USH2A: variants seen among roughly 807,000 people sequenced by gnomAD.
USH2A encodes the protein Usher syndrome 2A (autosomal recessive, mild).
USH2A carries 443 observed loss-of-function variants against 538.9 expected under a neutral mutation model. The ratio of observed to expected loss-of-function variants is 0.82; its 90% CI spans 0.76 to 0.89. USH2A has a LOEUF of 0.89. USH2A is among the 40% of genes least tolerant of loss of function. USH2A has a pLI of 0.00. For synonymous variants in USH2A, 2,413 were observed against 2,273.5 expected, an observed-to-expected ratio of 1.06 and a Z score of -1.75; for missense variants, 6,633 against 6,324.8, an observed-to-expected ratio of 1.05 and a Z score of -1.65.
At chr1:215,931,751 A>T (rs569732660) in intron 38 of USH2A, among the ~76,000 whole-genome samples, 4 of 152,168 alleles carry the variant, frequency 2.6e-5, no homozygotes, top group African/African-American at 9.6e-5. Flanking sequence ...GGTTTAGTCT[A>T]GGTGCTGAAG....
intron 21 of USH2A, among the ~76,000 whole-genome samples, chr1:216,111,599 G>A (rs979063714): frequency 1.3e-5 from 2 of 151,494 alleles, no homozygotes; most frequent in African/African-American, 4.9e-5. Flanking sequence ...TTTAAAAAAC[G>A]CTTTATTAAA....
At chr1:216,022,413 T>C (rs1007156334) in intron 32 of USH2A, among the ~76,000 whole-genome samples, 3 of 152,200 alleles carry the variant, frequency 2.0e-5, no homozygotes, top group East Asian at 1.9e-4. Flanking sequence ...CGAAAGCCCA[T>C]GCACTGGAAA....
chr1:215,905,387 A>AG (rs1305181495), intron 38 of USH2A, among the ~76,000 whole-genome samples: 1 of 152,112 alleles, frequency 6.6e-6, no homozygotes, highest in Non-Finnish European at 1.5e-5. Context: ...AATATTTTGT[A>AG]TCAAATTCAA....
At chr1:215,820,426 G>A (rs779859935) in intron 47 of USH2A, among the ~76,000 whole-genome samples, 7 of 151,618 alleles carry the variant, frequency 4.6e-5, no homozygotes, top group Non-Finnish European at 7.4e-5. Context: ...CAATCTTGGG[G>A]AAGCCTGGAG....
chr1:215,889,572 C>A (rs1358596828), intron 40 of USH2A, among the ~76,000 whole-genome samples: 1 of 152,128 alleles, frequency 6.6e-6, no homozygotes, highest in East Asian at 1.9e-4. Flanking sequence ...TGCAATTTAT[C>A]TACTCCCTGT....
intron 64 of USH2A, among the ~76,000 whole-genome samples, chr1:215,652,119 G>A (rs563141298): frequency 6.6e-6 from 1 of 152,172 alleles, no homozygotes; most frequent in Non-Finnish European, 1.5e-5. Flanking sequence ...TTTAACTTAT[G>A]TCAGCTTATT....
At position 215,836,541 on chromosome 1, in the gene USH2A, TAATATATATATATATATA is replaced by T. The variant is rs1558120247; in HGVS notation, c.9371+1432_9371+1449del. On this transcript the variant is annotated intron_variant, in intron 47 of 71. Transcript: ENST00000307340. ...ATAATATATATTATATATATATATA[TAATATATATATATATATA>T]TATATATTTTTTTTTGAGACAGAGT... Among the ~76,000 whole-genome samples the T allele has an allele frequency of 2.7e-3, 63 of 23,726 alleles. 6 individuals are homozygous for T. Among genetic ancestry groups the T allele is most frequent in the African/African-American group, 7.5e-3 (48 of 6,426 alleles). The allele number at this position is 23,726 out of a possible 152,430, so 15.6% of individuals were successfully genotyped here. A position where few individuals can be genotyped will look rare whatever the true frequency, so the allele number is the denominator to read the frequency against.
intron 50 of USH2A, among the ~76,000 whole-genome samples, chr1:215,796,535 A>C (rs1002971468): frequency 1.1e-4 from 17 of 152,086 alleles, no homozygotes; most frequent in Admixed American, 1.1e-3. Context: ...CGGAAAGCTT[A>C]GTTGATGAGC....
chr1:215,949,525 T>TACAAA (rs1666858285), intron 37 of USH2A, among the ~76,000 whole-genome samples: 1 of 151,964 alleles, frequency 6.6e-6, no homozygotes, highest in Non-Finnish European at 1.5e-5. Flanking sequence ...AAGATACAAA[T>TACAAA]GTATTTTCTA....
intron 35 of USH2A, among the ~76,000 whole-genome samples, chr1:215,981,985 T>C (rs1477249644): frequency 6.6e-6 from 1 of 152,240 alleles, no homozygotes; most frequent in Non-Finnish European, 1.5e-5. Flanking sequence ...ATCAATTTTG[T>C]GCATATACAT....
intron 10 of USH2A, among the ~76,000 whole-genome samples, chr1:216,290,848 G>A (rs1177278741): frequency 1.3e-5 from 2 of 152,090 alleles, no homozygotes; most frequent in African/African-American, 4.8e-5. Flanking sequence ...AAGCTAGAAT[G>A]TAATGTTAGG....
In USH2A at chr1:215,627,418, TTCCTTCCTTCCTTCC is replaced by T. The variant is rs1558027291; in HGVS notation, c.15519+1381_15519+1395del. ...CTTCCTTCCTTCCTTCCTTCCTTCCTTCCTTCCTTCCTTCCTTCCTTCCTTCCTTCCTTCCTTCCT... is the reference window on the plus strand; with the variant it reads ...CTTCCTTCCTTCCTTCCTTCCTTCCTTTCCTTCCTTCCTTCCTTCCTTCCT... On this transcript the variant is annotated intron_variant, in intron 71 of 71. Coordinates refer to ENST00000307340, the MANE Select transcript of USH2A (RefSeq NM_206933.4). 9.8e-4 allele frequency among the ~76,000 whole-genome samples: 116 copies of T among 118,242 alleles called. 4 individuals carry two copies. Among genetic ancestry groups the T allele is most frequent in the East Asian group, 8.0e-3 (29 of 3,636 alleles). 77.6% of individuals were successfully genotyped at this position (118,242 alleles called of 152,430 possible).
chr1:215,804,743 T>C (rs1355161191), intron 49 of USH2A, among the ~76,000 whole-genome samples: 1 of 152,004 alleles, frequency 6.6e-6, no homozygotes, highest in Non-Finnish European at 1.5e-5. Context: ...TCAGGGATCT[T>C]GAACTAGAAA....
intron 3 of USH2A, among the ~76,000 whole-genome samples, chr1:216,414,965 T>G (rs1291295732): frequency 6.6e-6 from 1 of 152,118 alleles, no homozygotes; most frequent in Non-Finnish European, 1.5e-5. Flanking sequence ...TACTAAAATA[T>G]TTTTTCTGGA....
At chr1:215,852,087 T>C (rs181937771) in intron 44 of USH2A, among the ~76,000 whole-genome samples, 7 of 152,230 alleles carry the variant, frequency 4.6e-5, no homozygotes, top group African/African-American at 1.7e-4. Context: ...ACATACTGAA[T>C]GGGGAAAAGT....
chr1:216,042,984 G>C (rs2030351208), intron 32 of USH2A, among the ~76,000 whole-genome samples: 1 of 151,976 alleles, frequency 6.6e-6, no homozygotes, highest in South Asian at 2.1e-4. Context: ...CCAACATCTT[G>C]GTCTCGGACT....
intron 35 of USH2A, among the ~76,000 whole-genome samples, chr1:215,989,202 C>T (rs139723906): frequency 2.6e-5 from 4 of 152,258 alleles, no homozygotes; most frequent in Non-Finnish European, 5.9e-5. Flanking sequence ...CCCTAGTGAA[C>T]AAACATACCT....
chr1:216,351,931 T>C (rs2038295500), intron 4 of USH2A, among the ~76,000 whole-genome samples: 1 of 152,142 alleles, frequency 6.6e-6, no homozygotes, highest in South Asian at 2.1e-4. Flanking sequence ...GAAATTGCCT[T>C]CACTTGTGAT....
At chr1:215,753,362 G>A (rs2102736590) in intron 58 of USH2A, among the ~76,000 whole-genome samples, 1 of 152,214 alleles carries the variant, frequency 6.6e-6, no homozygotes. Flanking sequence ...ACACGCACAT[G>A]TATGTTTATT....
Sources: gnomAD v4.1 joint callset for allele counts (sites outside exome capture counted in the v4.1 genomes callset) on GRCh38, gnomAD v4.1.1 for gene constraint, MANE v1.5 for transcripts, NCBI Gene and HGNC (gene_info 2026-07-23, HGNC 2026-07-21) for gene names.